Variants in TMEM178B observed in about 807,000 individuals in gnomAD.
TMEM178B encodes the protein transmembrane protein 178B.
TMEM178B carries 5 observed loss-of-function variants against 31.0 expected under a neutral mutation model. The observed-to-expected ratio is 0.16, with a 90% CI of 0.08 to 0.34. The LOEUF is 0.34. Among genes scored for constraint, TMEM178B ranks in the 10% least tolerant of loss-of-function variants. The pLI is 1.00. For missense variants in TMEM178B, 275 were observed against 400.3 expected, an observed-to-expected ratio of 0.69 and a Z score of 2.67; for synonymous variants, 164 against 164.0, an observed-to-expected ratio of 1.00 and a Z score of 0.00.
the TMEM178B span, among the ~76,000 whole-genome samples, chr7:141,491,112 T>C: frequency 6.6e-6 from 1 of 152,118 alleles, no homozygotes; most frequent in Admixed American, 6.5e-5. Flanking sequence ...ACTGCGGCCT[T>C]GACCTCCCCA....
At chr7:141,502,407 C>T in the TMEM178B span, among the ~76,000 whole-genome samples, 7 of 152,098 alleles carry the variant, frequency 4.6e-5, no homozygotes, top group East Asian at 3.9e-4. Context: ...ACCAGTCCAA[C>T]GGGCTAAATC....
chr7:141,349,352 C>T (rs1013800215), intron 2 of TMEM178B, among the ~76,000 whole-genome samples: 2 of 152,002 alleles, frequency 1.3e-5, no homozygotes, highest in Non-Finnish European at 2.9e-5. Flanking sequence ...AAAAAATGAC[C>T]GATGGATCAT....
In TMEM178B at chr7:141,316,631, C is replaced by A. The variant is rs142685326; in HGVS notation, c.496+103927C>A. On this transcript the variant is annotated intron_variant, in intron 2 of 3. Coordinates refer to ENST00000565468, the MANE Select transcript of TMEM178B (RefSeq NM_001195278.2). ...ACATTTCCCACACGTTTACCTCTGACATTTGCAAGTATCTATTGAGTACCT... is the reference window on the plus strand; with the variant it reads ...ACATTTCCCACACGTTTACCTCTGAAATTTGCAAGTATCTATTGAGTACCT... 1.3e-3 allele frequency among the ~76,000 whole-genome samples: 194 copies of A among 152,274 alleles called. 1 individual carries two copies. Among genetic ancestry groups the A allele is most frequent in the Middle Eastern group, 3.4e-3 (1 of 294 alleles).
intron 1 of TMEM178B, among the ~76,000 whole-genome samples, chr7:141,190,779 C>A (rs915995674): frequency 7.2e-5 from 11 of 152,150 alleles, no homozygotes; most frequent in African/African-American, 2.7e-4. Context: ...GTGTTTCTTT[C>A]CCTCTCATTT....
At chr7:141,342,136 C>T (rs892360671) in intron 2 of TMEM178B, among the ~76,000 whole-genome samples, 10 of 152,056 alleles carry the variant, frequency 6.6e-5, no homozygotes, top group African/African-American at 1.9e-4. Context: ...TTAGCAGAGA[C>T]GGGCTTTCCC....
At chr7:141,145,341 C>T (rs1253712931) in intron 1 of TMEM178B, among the ~76,000 whole-genome samples, 3 of 152,198 alleles carry the variant, frequency 2.0e-5, no homozygotes, top group Admixed American at 6.5e-5. Context: ...CCACCTCTTC[C>T]CTCAAGGCCC....
At chr7:141,487,344 C>T in the TMEM178B span, among the ~76,000 whole-genome samples, 42 of 152,066 alleles carry the variant, frequency 2.8e-4, no homozygotes, top group African/African-American at 9.9e-4. Flanking sequence ...AAACCCAGTC[C>T]GCCAAAGGTC....
At position 141,437,609 on chromosome 7, in the gene TMEM178B, C is replaced by T; in HGVS notation, c.498C>T (p.His166=). Reference sequence around the variant, plus strand: ...TGTTGCTCGCCTGCTTCCCCACAGACCTGCGCAGAATGACGGCTGGCTTCA... The same window carrying T: ...TGTTGCTCGCCTGCTTCCCCACAGATCTGCGCAGAATGACGGCTGGCTTCA... The part of the protein sequence containing the change: ...TIRQDEWHAL[H]LRRMTAGFMG... The change falls in exon 3 of 4, where the codon CAC becomes CAT. Residue 166 remains histidine, a splice_region_variant and synonymous_variant. Transcript: ENST00000565468. 6.5e-7 allele frequency: 1 copy of T among 1,536,076 alleles called. No individual in the cohort carries two copies. Among genetic ancestry groups the T allele is most frequent in the Non-Finnish European group, 8.7e-7 (1 of 1,146,902 alleles).
chr7:141,163,346 G>A (rs1796206814), intron 1 of TMEM178B, among the ~76,000 whole-genome samples: 1 of 152,166 alleles, frequency 6.6e-6, no homozygotes, highest in African/African-American at 2.4e-5. Context: ...ATATGATATT[G>A]ACCAAAACAA....
chr7:141,339,639 T>TTCTTCATGAAA (rs1448885512), intron 2 of TMEM178B, among the ~76,000 whole-genome samples: 19 of 152,242 alleles, frequency 1.2e-4, no homozygotes, highest in Non-Finnish European at 2.6e-4. Flanking sequence ...TGAAAGAAAA[T>TTCTTCATGAAA]GTAAACATTA....
chr7:141,486,918 A>C, the TMEM178B span, among the ~76,000 whole-genome samples: 1 of 152,134 alleles, frequency 6.6e-6, no homozygotes. Flanking sequence ...GTGTGGTTTT[A>C]AATAGGGACA....
At chr7:141,396,365 C>T (rs942296053) in intron 2 of TMEM178B, among the ~76,000 whole-genome samples, 3 of 152,336 alleles carry the variant, frequency 2.0e-5, no homozygotes, top group East Asian at 3.9e-4. Flanking sequence ...TGCCTACTCC[C>T]ACCTGCCACT....
chr7:141,240,495 T>C (rs1193203866), intron 2 of TMEM178B, among the ~76,000 whole-genome samples: 2 of 152,250 alleles, frequency 1.3e-5, no homozygotes, highest in Non-Finnish European at 2.9e-5. Flanking sequence ...CCATGGATGA[T>C]GACACCTTTC....
chr7:141,309,578 T>C (rs942046356), intron 2 of TMEM178B, among the ~76,000 whole-genome samples: 1 of 152,190 alleles, frequency 6.6e-6, no homozygotes, highest in Non-Finnish European at 1.5e-5. Context: ...TTTTCCACTT[T>C]GATAGATTAG....
At chr7:141,382,719 TAATATA>T (rs1800341319) in intron 2 of TMEM178B, among the ~76,000 whole-genome samples, 1 of 152,192 alleles carries the variant, frequency 6.6e-6, no homozygotes, top group African/African-American at 2.4e-5. Flanking sequence ...ATGTTAATAT[TAATATA>T]TATGTAATGA....
At position 141,100,153 on chromosome 7, in the gene TMEM178B, A is replaced by G. The variant is rs189582942; in HGVS notation, c.382+25461A>G. On this transcript the variant is annotated intron_variant, in intron 1 of 3. Coordinates refer to ENST00000565468, the MANE Select transcript of TMEM178B (RefSeq NM_001195278.2). ...TCTCTTAATTCAGACTGCAATCCTA[A>G]TCACCTGGGCAGTTTTAGAATAAGC... Among the ~76,000 whole-genome samples, 43 of 151,682 alleles carry G rather than the reference A, an allele frequency of 2.8e-4. No individual in the cohort carries two copies. The East Asian group carries it at 6.8e-3, about 24-fold the overall frequency.
intron 2 of TMEM178B, among the ~76,000 whole-genome samples, chr7:141,299,714 A>G (rs912573509): frequency 1.8e-4 from 28 of 152,216 alleles, no homozygotes; most frequent in African/African-American, 6.7e-4. Flanking sequence ...CCTTCTTCCT[A>G]GCCACATACT....
At chr7:141,436,497 G>C (rs1370450407) in intron 2 of TMEM178B, among the ~76,000 whole-genome samples, 12 of 152,186 alleles carry the variant, frequency 7.9e-5, no homozygotes, top group Non-Finnish European at 1.5e-5. Flanking sequence ...GCTCAGATGT[G>C]GATGGGTGGA....
chr7:141,132,404 A>G (rs1795608562), intron 1 of TMEM178B, among the ~76,000 whole-genome samples: 1 of 152,256 alleles, frequency 6.6e-6, no homozygotes, highest in African/African-American at 2.4e-5. Context: ...TTTTAAAGCT[A>G]TGAAAGTAAA....
Sources: gnomAD v4.1 joint callset for allele counts (sites outside exome capture counted in the v4.1 genomes callset) on GRCh38, gnomAD v4.1.1 for gene constraint, MANE v1.5 for transcripts, NCBI Gene and HGNC (gene_info 2026-07-23, HGNC 2026-07-21) for gene names.